The following RASGRF2 variants were observed in gnomAD, a reference collection of about 807,000 sequenced individuals.
RASGRF2 encodes the protein Ras protein specific guanine nucleotide releasing factor 2, also known as ras-specific guanine nucleotide-releasing factor 2.
A neutral mutation model predicts 151.0 loss-of-function variants in RASGRF2; 76 were observed. The observed-to-expected ratio is 0.50, with a 90% CI of 0.42 to 0.61. The LOEUF (loss-of-function observed/expected upper bound fraction) is 0.61, where lower values mean the gene tolerates loss of function less well. Among genes scored for constraint, RASGRF2 ranks in the 20% least tolerant of loss-of-function variants. The pLI is 0.00. For synonymous variants in RASGRF2, 504 were observed against 566.5 expected (o/e 0.89, Z 1.57); for missense variants, 1,148 against 1,564.6 (o/e 0.73, Z 4.49).
In RASGRF2 at chr5:81,225,763, C is replaced by T. The variant is rs1755966918; in HGVS notation, c.3707C>T (p.Pro1236Leu). 1 of 1,611,824 alleles carries T rather than the reference C, an allele frequency of 6.2e-7. No individual in the cohort carries two copies. Among genetic ancestry groups the T allele is most frequent in the Non-Finnish European group, 8.5e-7 (1 of 1,179,578 alleles). Residue 1236 changes from proline (P) to leucine (L), a missense_variant, in exon 27 of 27, where the codon CCT (proline) becomes CTT (leucine). Pro to Leu is a moderately conservative substitution (Grantham distance 98, BLOSUM62 -3). This residue lies in a region of RASGRF2 where 100 missense variants were observed against 148.2 expected (regional missense o/e 0.67). Transcript: ENST00000265080. ...ELSLKIEPRLPA is the reference protein window; with the variant it reads ...ELSLKIEPRLLA ...TCACTAAAAATTGAACCTCGACTCC[C>T]TGCTTGAAGATCTGGCCTTGCCCCT...
intron 1 of RASGRF2, among the ~76,000 whole-genome samples, chr5:80,999,316 C>G (rs906644626): frequency 6.6e-6 from 1 of 152,058 alleles, no homozygotes; most frequent in African/African-American, 2.4e-5. Context: ...AGCCACCTCT[C>G]TCCTTAACCA....
At chr5:81,162,217 G>A (rs1334964346) in intron 17 of RASGRF2, among the ~76,000 whole-genome samples, 1 of 151,926 alleles carries the variant, frequency 6.6e-6, no homozygotes, top group East Asian at 1.9e-4. Flanking sequence ...ATGGGGGGCA[G>A]TGGTGAGAAG....
chr5:81,228,609 AT>A lies in RASGRF2; in HGVS notation c.*2842del, dbSNP rs1223636316. 1 of 152,142 alleles carries A rather than the reference AT, an allele frequency of 6.6e-6. No individual in the cohort carries two copies. The highest frequency in any genetic ancestry group is 1.5e-5 in the Non-Finnish European group (1 of 68,026). 9.4% of individuals were successfully genotyped at this position (152,142 alleles called of 1,614,324 possible). A position where few individuals can be genotyped will look rare whatever the true frequency, so the allele number is the denominator to read the frequency against. Reference sequence around the variant, plus strand: ...CCTAGAAAATCAGAAGAAAAATCCAATTTCATGCTTTCGAATGAATGCCCAC... The same window carrying A: ...CCTAGAAAATCAGAAGAAAAATCCAATTCATGCTTTCGAATGAATGCCCAC... On this transcript the variant is annotated 3_prime_UTR_variant, in exon 27 of 27. Coordinates refer to ENST00000265080, the MANE Select transcript of RASGRF2 (RefSeq NM_006909.3).
At position 81,094,304 on chromosome 5, in the gene RASGRF2, G is replaced by A. The variant is rs751910058; in HGVS notation, c.1560G>A (p.Gly520=). Residue 520 remains glycine (G), a synonymous_variant, in exon 11 of 27, where the codon GGG becomes GGA. Transcript: ENST00000265080. ...GGKLHLLKTG[G]VLSLIDCTLI... The stretch of plus-strand genomic sequence containing the variant: ...AATTGGTTTGTTTCCAGACAGGTGG[G>A]GTTCTGTCTCTAATAGACTGCACAT... The A allele has an allele frequency of 2.5e-6, 4 of 1,613,248 alleles. No homozygotes were observed. The South Asian group carries it at 4.4e-5, about 18-fold the overall frequency.
In RASGRF2 at chr5:81,042,929, G is replaced by T. The variant is rs779986744; in HGVS notation, c.341G>T (p.Arg114Leu). Residue 114 changes from arginine to leucine, a missense_variant, in exon 2 of 27, where the codon CGC becomes CTC. Physicochemically the swap from Arg to Leu is moderately radical, Grantham distance 102. Coordinates refer to ENST00000265080, the MANE Select transcript of RASGRF2 (RefSeq NM_006909.3). ...GAAGGTCAGAAGCCACTGGAGCTGC[G>T]CTGTGAGGAGGAGCAGGATGGTAAA... ...GHEGQKPLEL[R>L]CEEEQDGKEW... 3.7e-6 allele frequency: 6 copies of T among 1,612,896 alleles called. No homozygotes were observed. In the South Asian group the frequency reaches 4.4e-5, roughly 12 times the overall value.
intron 1 of RASGRF2, among the ~76,000 whole-genome samples, chr5:80,961,639 A>G (rs1747561664): frequency 6.6e-6 from 1 of 152,134 alleles, no homozygotes; most frequent in African/African-American, 2.4e-5. Context: ...ATTCCTCAGG[A>G]TTAATATTTG....
intron 12 of RASGRF2, among the ~76,000 whole-genome samples, chr5:81,106,564 T>C (rs1474484562): frequency 6.6e-6 from 1 of 152,232 alleles, no homozygotes; most frequent in Non-Finnish European, 1.5e-5. Context: ...TCTCTTACTT[T>C]CTTCTCCATT....
intron 1 of RASGRF2, among the ~76,000 whole-genome samples, chr5:80,968,086 G>T (rs1747780193): frequency 6.6e-6 from 1 of 152,256 alleles, no homozygotes; most frequent in South Asian, 2.1e-4. Context: ...AGGTTGTTGT[G>T]AGGCTCACAG....
At chr5:81,093,881 A>G (rs546389512) in intron 10 of RASGRF2, among the ~76,000 whole-genome samples, 62 of 152,266 alleles carry the variant, frequency 4.1e-4, no homozygotes, top group African/African-American at 1.4e-3. Context: ...CTTTATGGAA[A>G]AAGTTTGCCT....
intron 2 of RASGRF2, among the ~76,000 whole-genome samples, chr5:81,049,907 T>C (rs550236665): frequency 1.9e-4 from 29 of 152,296 alleles, no homozygotes; most frequent in Non-Finnish European, 3.7e-4. Context: ...TTGAACTATC[T>C]ATATATCATC....
chr5:81,155,476 T>C (rs1039882860), intron 17 of RASGRF2, among the ~76,000 whole-genome samples: 1 of 152,078 alleles, frequency 6.6e-6, no homozygotes, highest in East Asian at 1.9e-4. Flanking sequence ...AAAGACAAGA[T>C]AAGACACAAA....
chr5:81,108,834 C>CTGTGTGTGTGTG (rs10606038), intron 12 of RASGRF2, among the ~76,000 whole-genome samples, 162 bp from the exon 13 acceptor site: 3 of 139,806 alleles, frequency 2.1e-5, no homozygotes, highest in African/African-American at 8.0e-5. Flanking sequence ...TTTACCTACT[C>CTGTGTGTGTGTG]TGTGTGTGTG....
At chr5:81,128,023 A>G (rs1753511239) in intron 17 of RASGRF2, among the ~76,000 whole-genome samples, 2 of 152,062 alleles carry the variant, frequency 1.3e-5, no homozygotes, top group Admixed American at 6.5e-5. Flanking sequence ...GTTACCTGAA[A>G]TAAGCCAGGC....
intron 12 of RASGRF2, among the ~76,000 whole-genome samples, chr5:81,108,153 T>C (rs776888412): frequency 2.6e-5 from 4 of 152,262 alleles, no homozygotes; most frequent in Non-Finnish European, 4.4e-5. Flanking sequence ...CTATATAGTA[T>C]CATAGCGACT....
In RASGRF2 at chr5:81,041,301, C is replaced by CAA. The variant is rs34567203; in HGVS notation, c.289-1558_289-1557dup. 1.8e-4 allele frequency among the ~76,000 whole-genome samples: 20 copies of CAA among 112,556 alleles called. No individual in the cohort carries two copies. The East Asian group carries it at 2.4e-3, about 13-fold the overall frequency. 73.8% of individuals were successfully genotyped at this position (112,556 alleles called of 152,430 possible). ...TGGGAGACAGAGCAAGACTCCGTCT[C>CAA]AAAAAAAAAAAAAAAAAAATCTGAG... On this transcript the variant is annotated intron_variant, in intron 1 of 26. Coordinates refer to ENST00000265080, the MANE Select transcript of RASGRF2 (RefSeq NM_006909.3).
intron 17 of RASGRF2, among the ~76,000 whole-genome samples, chr5:81,148,935 G>A (rs928081337): frequency 6.6e-6 from 1 of 151,942 alleles, no homozygotes; most frequent in African/African-American, 2.4e-5. Context: ...TAGTGATAAT[G>A]CAATTAAAAC....
intron 5 of RASGRF2, among the ~76,000 whole-genome samples, chr5:81,076,013 G>A (rs1030849365): frequency 6.6e-6 from 1 of 152,156 alleles, no homozygotes; most frequent in East Asian, 1.9e-4. Flanking sequence ...CCAGAAGAGT[G>A]AGTTGTCCTG....
At position 81,042,844 on chromosome 5, in the gene RASGRF2, A is replaced by C. The variant is rs192114491; in HGVS notation, c.289-33A>C. ...TTATGCTGTTGTGCTTGAAAAATAG[A>C]ACTAAGTTTTTTGTGTTTCTTTTTC... On this transcript the variant is annotated intron_variant, in intron 1 of 26. Coordinates refer to ENST00000265080, the MANE Select transcript of RASGRF2 (RefSeq NM_006909.3). 41 of 1,479,586 alleles carry C rather than the reference A, an allele frequency of 2.8e-5. No homozygotes were observed. In the East Asian group the frequency reaches 6.5e-4, roughly 23 times the overall value. 91.7% of individuals were successfully genotyped at this position (1,479,586 alleles called of 1,614,324 possible).
intron 25 of RASGRF2, among the ~76,000 whole-genome samples, chr5:81,218,155 A>G (rs1477208422): frequency 1.3e-5 from 2 of 152,188 alleles, no homozygotes; most frequent in Non-Finnish European, 2.9e-5. Flanking sequence ...AAGTGCTGGG[A>G]TTACAGGCCC....
Sources: gnomAD v4.1 joint callset for allele counts (sites outside exome capture counted in the v4.1 genomes callset) on GRCh38, gnomAD v4.1.1 for gene constraint, gnomAD v4.1.1 regional missense constraint, MANE v1.5 for transcripts, NCBI Gene and HGNC (gene_info 2026-07-23, HGNC 2026-07-21) for gene names.